Variants in RTL9 observed in about 807,000 individuals in gnomAD.
RTL9 encodes the protein retrotransposon Gag-like protein 9.
In RTL9, 19 loss-of-function variants were observed where a neutral mutation model predicts 44.7. That is an observed-to-expected ratio of 0.42 (90% CI 0.30 to 0.62). The LOEUF (loss-of-function observed/expected upper bound fraction) is 0.62. RTL9 is among the 20% of genes least tolerant of loss of function. The pLI is 0.16. For missense variants in RTL9, 1,105 were observed against 1,080.6 expected (o/e 1.02, Z -0.32); for synonymous variants, 407 against 398.9 (o/e 1.02, Z -0.24).
chrX:110,371,238 A>G (rs1178400376), intron 1 of RTL9, among the ~76,000 whole-genome samples: 2 of 109,932 alleles, frequency 1.8e-5, no homozygotes, highest in Admixed American at 1.9e-4. Flanking sequence ...ACCTTTATAG[A>G]CTGCATTTAA....
At chrX:110,451,295 T>G (rs1569433264) in exon 1 of RTL9, 2 of 1,212,068 alleles carry the variant, frequency 1.7e-6, no homozygotes, top group Non-Finnish European at 1.1e-6. Context: ...CTCCCAGCTC[T>G]GAGGCAATGT....
intron 1 of RTL9, among the ~76,000 whole-genome samples, chrX:110,422,840 C>T (rs1045336740): frequency 8.9e-6 from 1 of 112,138 alleles, no homozygotes; most frequent in African/African-American, 3.2e-5. Context: ...ATTCTGTTGC[C>T]TTGGCGAACA....
intron 1 of RTL9, among the ~76,000 whole-genome samples, chrX:110,423,674 C>T (rs904378702): frequency 8.9e-6 from 1 of 112,225 alleles, no homozygotes; most frequent in South Asian, 3.8e-4. Context: ...TGTGTCAGGC[C>T]CTGTACTTGT....
intron 1 of RTL9, among the ~76,000 whole-genome samples, chrX:110,421,112 T>C (rs1462863456): frequency 8.9e-6 from 1 of 112,544 alleles, no homozygotes; most frequent in East Asian, 2.8e-4. Context: ...TTTAAGGTTC[T>C]CATCCAGCCC....
chrX:110,384,664 C>A (rs2068442789), intron 1 of RTL9, among the ~76,000 whole-genome samples: 1 of 111,258 alleles, frequency 9.0e-6, no homozygotes, highest in Admixed American at 9.6e-5. Context: ...CATTCTGTAT[C>A]ATGGCTCACT....
chrX:110,427,268 A>T (rs1191472412), intron 1 of RTL9, among the ~76,000 whole-genome samples: 6 of 111,550 alleles, frequency 5.4e-5, no homozygotes. Context: ...AAATCAAATC[A>T]TTTCACACCT....
At chrX:110,448,872 A>G (rs1404725963), upstream of RTL9, among the ~76,000 whole-genome samples, 1 of 111,393 alleles carries the variant, frequency 9.0e-6, no homozygotes, top group Admixed American at 9.5e-5. Flanking sequence ...GCAAGGTAAG[A>G]TCTTTCTGGG....
intron 1 of RTL9, among the ~76,000 whole-genome samples, chrX:110,366,373 G>A (rs1319547971): frequency 9.0e-6 from 1 of 111,404 alleles, no homozygotes; most frequent in Non-Finnish European, 1.9e-5. Context: ...AAACTAATGG[G>A]GTATACCGGA....
At chrX:110,431,763 C>T (rs1332296739) in intron 1 of RTL9, among the ~76,000 whole-genome samples, 1 of 111,908 alleles carries the variant, frequency 8.9e-6, no homozygotes, top group Non-Finnish European at 1.9e-5. Context: ...CCAGGACTCA[C>T]TGCTAGAAAA....
chrX:110,391,691 G>C (rs763882779), intron 1 of RTL9, among the ~76,000 whole-genome samples: 2 of 111,993 alleles, frequency 1.8e-5, no homozygotes, highest in Non-Finnish European at 3.8e-5. Context: ...GTTGTCTTTA[G>C]TGAGAAACCA....
chrX:110,455,903 T>C (rs1320616093), exon 2 of RTL9: 2 of 112,869 alleles, frequency 1.8e-5, no homozygotes, highest in African/African-American at 6.5e-5. Context: ...CTACCAGTTA[T>C]TGATAATGTA....
exon 1 of RTL9, chrX:110,450,589 C>T (rs1433755173): frequency 1.7e-6 from 2 of 1,177,549 alleles, no homozygotes; most frequent in Admixed American, 2.2e-5. Context: ...CCTGGGCTCC[C>T]TCCACACTAT....
chrX:110,388,810 G>A (rs774787001), intron 1 of RTL9, among the ~76,000 whole-genome samples: 141 of 111,947 alleles, frequency 1.3e-3, no homozygotes, highest in Non-Finnish European at 2.1e-3. Flanking sequence ...GTTGGCTCAA[G>A]AGTAGCTAAT....
At chrX:110,363,660 GC>G (rs1313927635) in intron 1 of RTL9, among the ~76,000 whole-genome samples, 1 of 110,466 alleles carries the variant, frequency 9.1e-6, no homozygotes, top group Admixed American at 9.6e-5. Flanking sequence ...CTGTGCCCTG[GC>G]CTACTGACAC....
intron 1 of RTL9, among the ~76,000 whole-genome samples, chrX:110,388,248 C>T (rs964475937): frequency 8.9e-6 from 1 of 111,857 alleles, no homozygotes; most frequent in Non-Finnish European, 1.9e-5. Context: ...AAGCCCATGA[C>T]GTGGAGCACA....
At chrX:110,377,554 G>A (rs1398090625) in intron 1 of RTL9, among the ~76,000 whole-genome samples, 3 of 111,610 alleles carry the variant, frequency 2.7e-5, no homozygotes, top group Non-Finnish European at 5.6e-5. Flanking sequence ...ACTATTCCCC[G>A]CCCATGTCCA....
upstream of RTL9, among the ~76,000 whole-genome samples, chrX:110,416,363 T>C (rs1472941648): frequency 3.6e-5 from 4 of 112,404 alleles, no homozygotes; most frequent in Admixed American, 3.7e-4. Context: ...ATGTTTACCA[T>C]GTCCCGGGCA....
At chrX:110,450,992 A>G (rs910158122) in exon 1 of RTL9, 11 of 1,210,274 alleles carry the variant, frequency 9.1e-6, no homozygotes, top group Non-Finnish European at 1.2e-5. Flanking sequence ...ATTCTGGAAC[A>G]TTGTCCCCAT....
chrX:110,447,213 C>T (rs1463164592), upstream of RTL9, among the ~76,000 whole-genome samples: 1 of 96,445 alleles, frequency 1.0e-5, no homozygotes, highest in Non-Finnish European at 2.0e-5. Context: ...TCACACAGAG[C>T]TGTGTGCCTT....
Sources: allele counts gnomAD v4.1 joint callset (sites outside exome capture counted in the v4.1 genomes callset), GRCh38; gene constraint gnomAD v4.1.1; transcripts MANE v1.5; gene names NCBI Gene and HGNC (gene_info 2026-07-23, HGNC 2026-07-21).